STIM1: variants seen among roughly 807,000 people sequenced by gnomAD.
The protein encoded by STIM1 is stromal interaction molecule 1.
STIM1 carries 25 observed loss-of-function variants against 74.7 expected under a neutral mutation model. The ratio of observed to expected loss-of-function variants is 0.33; its 90% confidence interval spans 0.24 to 0.47. The LOEUF (loss-of-function observed/expected upper bound fraction) is 0.47. Among genes scored for constraint, STIM1 ranks in the 20% least tolerant of loss-of-function variants. The pLI is 1.00. For synonymous variants in STIM1, 328 were observed against 348.8 expected, an observed-to-expected ratio of 0.94 and a Z score of 0.66; for missense variants, 728 against 920.8, an observed-to-expected ratio of 0.79 and a Z score of 2.71.
chr11:3,939,913 C>T (rs1164357312), intron 1 of STIM1, among the ~76,000 whole-genome samples: 3 of 152,082 alleles, frequency 2.0e-5, no homozygotes, highest in African/African-American at 4.8e-5. Context: ...TGTGTGCACT[C>T]GTTAGAGATC....
At chr11:3,965,336 T>C (rs1170247091) in intron 1 of STIM1, among the ~76,000 whole-genome samples, 5 of 152,230 alleles carry the variant, frequency 3.3e-5, no homozygotes, top group Non-Finnish European at 1.5e-5. Flanking sequence ...ATCATGGCAC[T>C]TAGCACATAG....
chr11:3,950,618 A>G (rs1449603270), intron 1 of STIM1, among the ~76,000 whole-genome samples: 1 of 152,018 alleles, frequency 6.6e-6, no homozygotes, highest in Non-Finnish European at 1.5e-5. Context: ...CTATCTAGTC[A>G]GATTTGAATT....
chr11:3,870,778 A>C (rs959706934), intron 1 of STIM1, among the ~76,000 whole-genome samples: 2 of 151,558 alleles, frequency 1.3e-5, no homozygotes, highest in African/African-American at 4.9e-5. Flanking sequence ...GATTATAGGC[A>C]TCAGCCACTG....
intron 1 of STIM1, among the ~76,000 whole-genome samples, chr11:3,908,462 A>T (rs1016563288): frequency 1.3e-5 from 2 of 152,070 alleles, no homozygotes; most frequent in African/African-American, 4.8e-5. Context: ...AACACAAAAA[A>T]TTAGCTGGGC....
chr11:4,002,543 A>C (rs2093729447), intron 2 of STIM1, among the ~76,000 whole-genome samples: 1 of 149,334 alleles, frequency 6.7e-6, no homozygotes, highest in African/African-American at 2.5e-5. Context: ...AACCAACGAG[A>C]ACAAAGACAC....
chr11:3,866,227 T>G (rs999573454), intron 1 of STIM1, among the ~76,000 whole-genome samples: 1 of 152,224 alleles, frequency 6.6e-6, no homozygotes, highest in Admixed American at 6.5e-5. Flanking sequence ...TTTTTACTTA[T>G]GTCATTTAAC....
At chr11:3,943,977 T>C (rs1294392888) in intron 1 of STIM1, among the ~76,000 whole-genome samples, 1 of 152,262 alleles carries the variant, frequency 6.6e-6, no homozygotes, top group African/African-American at 2.4e-5. Context: ...GTAAACTTCT[T>C]GAAGGCAGAG....
intron 2 of STIM1, among the ~76,000 whole-genome samples, chr11:4,022,520 G>A (rs930482146): frequency 2.0e-5 from 3 of 151,952 alleles, no homozygotes; most frequent in East Asian, 3.9e-4. Flanking sequence ...GAATAATAGC[G>A]GTGAACGAAG....
At chr11:3,947,791 TA>T (rs2093096833) in intron 1 of STIM1, 1 of 152,230 alleles carries the variant, frequency 6.6e-6, no homozygotes, top group Non-Finnish European at 1.5e-5. Context: ...CTTCCAGACC[TA>T]CTTTCACCAT....
In STIM1 at chr11:4,084,676, C is replaced by A; in HGVS notation, c.1478C>A (p.Ala493Asp). 1 of 1,289,444 alleles carries A rather than the reference C, an allele frequency of 7.8e-7. No homozygotes were observed. Among genetic ancestry groups the A allele is most frequent in the Non-Finnish European group, 1.0e-6 (1 of 988,882 alleles). The allele number at this position is 1,289,444 out of a possible 1,614,324, so 79.9% of individuals were successfully genotyped here. A position where few individuals can be genotyped will look rare whatever the true frequency, so the allele number is the denominator to read the frequency against. Residue 493 changes from alanine (A) to aspartate (D), a missense_variant, in exon 11 of 13, where the codon GCT (alanine) becomes GAT (aspartate). Coordinates refer to ENST00000526596, the MANE Select transcript of STIM1 (RefSeq NM_001382567.1). ...EIVSPLSMQY[A>D]AWLMGRRFSD... ...TTGGCCTGGCTGTTGACCCTAGATG[C>A]TGCCTGGCTGATGGGGCGTAGGTTC...
chr11:3,940,957 A>G (rs1435491803), intron 1 of STIM1, among the ~76,000 whole-genome samples: 2 of 152,172 alleles, frequency 1.3e-5, no homozygotes, highest in Admixed American at 6.5e-5. Flanking sequence ...CTTGGACTCT[A>G]GAGCCAGACT....
chr11:3,892,911 C>T, intron 1 of STIM1: 2 of 1,291,060 alleles, frequency 1.5e-6, no homozygotes, highest in African/African-American at 1.5e-5. Flanking sequence ...GGGCTCCCGG[C>T]AGCAGCAGCA....
chr11:4,068,708 C>T (rs1459331952), intron 5 of STIM1, among the ~76,000 whole-genome samples: 3 of 152,188 alleles, frequency 2.0e-5, no homozygotes, highest in Admixed American at 6.5e-5. Context: ...AGTGACCCCC[C>T]TCCCTTGGGT....
At chr11:3,898,081 A>T (rs2092240584) in intron 1 of STIM1, among the ~76,000 whole-genome samples, 1 of 152,204 alleles carries the variant, frequency 6.6e-6, no homozygotes, top group Non-Finnish European at 1.5e-5. Context: ...TCCTTGAGGA[A>T]TCGCCACACT....
At chr11:3,952,467 A>C (rs1159133172) in intron 1 of STIM1, among the ~76,000 whole-genome samples, 2 of 152,146 alleles carry the variant, frequency 1.3e-5, no homozygotes, top group Non-Finnish European at 2.9e-5. Flanking sequence ...ATGAACAACT[A>C]ACATTTGTAT....
At chr11:4,056,716 C>T (rs751773122) in intron 4 of STIM1, among the ~76,000 whole-genome samples, 12 of 152,250 alleles carry the variant, frequency 7.9e-5, no homozygotes, top group Admixed American at 3.9e-4. Flanking sequence ...TTCTTCACAG[C>T]TTCTCTCTGC....
intron 1 of STIM1, among the ~76,000 whole-genome samples, chr11:3,897,280 T>C (rs1486784908): frequency 6.6e-6 from 1 of 152,174 alleles, no homozygotes; most frequent in Non-Finnish European, 1.5e-5. Flanking sequence ...ATAAAGGCTC[T>C]TCTTTCCTCT....
intron 7 of STIM1, 129 bp downstream of exon 7, chr11:4,074,808 G>A (rs2094428144): frequency 9.5e-7 from 1 of 1,050,928 alleles, no homozygotes. Context: ...TAGAGTCACT[G>A]GACTCTTACC....
chr11:3,988,293 G>T (rs2093576306), intron 2 of STIM1, among the ~76,000 whole-genome samples: 1 of 152,154 alleles, frequency 6.6e-6, no homozygotes, highest in South Asian at 2.1e-4. Flanking sequence ...CTAGTCCAGG[G>T]ATCAGCAAAC....
Sources: gnomAD v4.1 joint callset for allele counts (sites outside exome capture counted in the v4.1 genomes callset) on GRCh38, gnomAD v4.1.1 for gene constraint, MANE v1.5 for transcripts, NCBI Gene and HGNC (gene_info 2026-07-23, HGNC 2026-07-21) for gene names.